LZTS1: variants seen among roughly 807,000 people sequenced by gnomAD.
The protein encoded by LZTS1 is leucine zipper tumor suppressor 1, also known as leucine zipper putative tumor suppressor 1.
LZTS1 carries 31 observed loss-of-function variants against 45.8 expected under a neutral mutation model. The observed-to-expected ratio is 0.68, with a 90% CI of 0.51 to 0.91. The LOEUF (loss-of-function observed/expected upper bound fraction) is 0.91, where lower values mean the gene tolerates loss of function less well. Ranked by LOEUF, LZTS1 falls within the 40% of genes least tolerant of loss-of-function variation. The pLI, the probability that LZTS1 is intolerant of heterozygous loss-of-function variation, is 0.00. For missense variants in LZTS1, 821 were observed against 788.9 expected (o/e 1.04, Z -0.49); for synonymous variants, 359 against 357.3 (o/e 1.00, Z -0.05).
chr8:20,270,383 C>T (rs1358536557), intron 1 of LZTS1, among the ~76,000 whole-genome samples: 1 of 152,256 alleles, frequency 6.6e-6, no homozygotes, highest in African/African-American at 2.4e-5. Context: ...CCAAGTCCCC[C>T]ACCCTGCACC....
intron 1 of LZTS1, among the ~76,000 whole-genome samples, chr8:20,266,655 T>G (rs1006797280): frequency 2.0e-5 from 3 of 152,208 alleles, no homozygotes; most frequent in Non-Finnish European, 4.4e-5. Flanking sequence ...TGGAGAGATC[T>G]GACAGCTATG....
At chr8:20,259,486 C>CA (rs1305921527) in intron 1 of LZTS1, among the ~76,000 whole-genome samples, 7 of 152,164 alleles carry the variant, frequency 4.6e-5, no homozygotes, top group Admixed American at 4.6e-4. Context: ...TGTCTTTCCC[C>CA]AGTCTGTTCA....
At chr8:20,260,401 C>T (rs965254263) in intron 1 of LZTS1, among the ~76,000 whole-genome samples, 6 of 152,154 alleles carry the variant, frequency 3.9e-5, no homozygotes, top group African/African-American at 1.2e-4. Context: ...GAGGCTAAGG[C>T]ACAGACTCAC....
intron 1 of LZTS1, among the ~76,000 whole-genome samples, chr8:20,270,797 C>CTGTGTGTGTGTGTG (rs745917836): frequency 8.0e-5 from 8 of 99,416 alleles, no homozygotes; most frequent in South Asian, 7.5e-4. Flanking sequence ...CGAGTGTGTC[C>CTGTGTGTGTGTGTG]TCTGTGTGTG....
chr8:20,265,660 CAGAG>C (rs1202999554), intron 1 of LZTS1, among the ~76,000 whole-genome samples: 1 of 105,652 alleles, frequency 9.5e-6, no homozygotes, highest in East Asian at 3.1e-4. Flanking sequence ...GCCTGGGCAA[CAGAG>C]AGACTCTGTC....
In LZTS1 at chr8:20,253,466, G is replaced by C. The variant is rs200657116; in HGVS notation, c.465C>G (p.Asp155Glu). The change falls in exon 3 of 4, where the codon GAC becomes GAG. Residue 155 changes from aspartate to glutamate, a missense_variant. Asp to Glu is a conservative substitution (Grantham distance 45, BLOSUM62 2). Coordinates refer to ENST00000381569, the MANE Select transcript of LZTS1 (RefSeq NM_021020.5). ...ASHQLHPAPPDKPKEQELKPG... is the reference protein window; with the variant it reads ...ASHQLHPAPPEKPKEQELKPG... ...GCTTCAGCTCCTGCTCCTTGGGCTT[G>C]TCTGGAGGGGCGGGGTGCAGCTGGT... The C allele has an allele frequency of 6.2e-7, 1 of 1,608,026 alleles. No individual in the cohort carries two copies. Among genetic ancestry groups the C allele is most frequent in the Non-Finnish European group, 8.5e-7 (1 of 1,177,754 alleles).
chr8:20,265,414 C>T (rs1800332680), intron 1 of LZTS1, among the ~76,000 whole-genome samples: 1 of 151,906 alleles, frequency 6.6e-6, no homozygotes, highest in African/African-American at 2.4e-5. Context: ...GGCTATAATC[C>T]CAACACTTTG....
chr8:20,277,153 G>T (rs538388392), intron 1 of LZTS1, among the ~76,000 whole-genome samples: 84 of 152,316 alleles, frequency 5.5e-4, no homozygotes, highest in African/African-American at 1.9e-3. Flanking sequence ...AACCAAGATG[G>T]TGATGAGAGT....
chr8:20,298,123 G>C (rs187829055), intron 1 of LZTS1, among the ~76,000 whole-genome samples: 119 of 152,052 alleles, frequency 7.8e-4, no homozygotes, highest in East Asian at 3.5e-3. Context: ...GTGCAGCAGT[G>C]TGATCTCCAC....
chr8:20,260,333 T>C (rs1800200660), intron 1 of LZTS1, among the ~76,000 whole-genome samples: 1 of 152,182 alleles, frequency 6.6e-6, no homozygotes, highest in Non-Finnish European at 1.5e-5. Context: ...TGTGTGTATC[T>C]CTACCAGAAT....
intron 1 of LZTS1, among the ~76,000 whole-genome samples, chr8:20,302,940 C>A (rs755208053): frequency 6.6e-6 from 1 of 152,084 alleles, no homozygotes; most frequent in South Asian, 2.1e-4. Flanking sequence ...CTTGGTGTCT[C>A]GGGGATGCCT....
At position 20,250,380 on chromosome 8, in the gene LZTS1, G is replaced by A; in HGVS notation, c.1150-17C>T. 6.4e-7 allele frequency: 1 copy of A among 1,572,494 alleles called. No individual in the cohort carries two copies. ...CTGGCACACCTGCCGAGGGTGGGGT[G>A]GAGACAGAGTGCCAAGAGGTGAGTG... On this transcript the variant is annotated splice_polypyrimidine_tract_variant and intron_variant, in intron 3 of 3. Transcript: ENST00000381569.
intron 1 of LZTS1, among the ~76,000 whole-genome samples, chr8:20,277,663 G>A (rs1800611153): frequency 6.6e-6 from 1 of 152,206 alleles, no homozygotes; most frequent in Non-Finnish European, 1.5e-5. Flanking sequence ...TCTATGAGTT[G>A]GAGGAAGTAG....
intron 1 of LZTS1, among the ~76,000 whole-genome samples, chr8:20,296,720 CGTGTGTGCAT>C (rs540999735): frequency 1.4e-3 from 206 of 152,130 alleles, no homozygotes; most frequent in Non-Finnish European, 2.3e-3. Flanking sequence ...TGTATGTGTG[CGTGTGTGCAT>C]GTGTGTGCAT....
chr8:20,271,232 C>T (rs1800469077), intron 1 of LZTS1, among the ~76,000 whole-genome samples: 1 of 152,166 alleles, frequency 6.6e-6, no homozygotes, highest in Non-Finnish European at 1.5e-5. Flanking sequence ...CCTCAAGCTC[C>T]TTGCCTCCTC....
At chr8:20,264,504 C>T (rs1260232629) in intron 1 of LZTS1, among the ~76,000 whole-genome samples, 1 of 152,120 alleles carries the variant, frequency 6.6e-6, no homozygotes, top group Non-Finnish European at 1.5e-5. Context: ...ACAGAGAGCC[C>T]CTGAGTCACA....
intron 1 of LZTS1, among the ~76,000 whole-genome samples, chr8:20,278,314 A>G (rs1429640358): frequency 6.6e-6 from 1 of 152,192 alleles, no homozygotes; most frequent in Non-Finnish European, 1.5e-5. Flanking sequence ...TCCTCAAATG[A>G]GCATGCACAC....
intron 1 of LZTS1, among the ~76,000 whole-genome samples, chr8:20,279,539 A>T (rs1162421913): frequency 6.6e-6 from 1 of 152,116 alleles, no homozygotes; most frequent in East Asian, 1.9e-4. Flanking sequence ...CCATGTCTAC[A>T]AAACATTTTA....
chr8:20,253,378 G>A lies in LZTS1; in HGVS notation c.553C>T (p.His185Tyr). The change falls in exon 3 of 4, where the codon CAC becomes TAC. Residue 185 changes from histidine to tyrosine, a missense_variant. His to Tyr is a moderately conservative substitution (Grantham distance 83). Coordinates refer to ENST00000381569, the MANE Select transcript of LZTS1 (RefSeq NM_021020.5). ...GRNSMSSLPT[H>Y]STSSSYQLDP... ...AGCTGGTAGCTGCTGCTGGTGCTGT[G>A]TGTGGGCAGGCTGGACATGGAGTTC... 1 of 1,613,314 alleles carries A rather than the reference G, an allele frequency of 6.2e-7. No individual in the cohort carries two copies. Among genetic ancestry groups the A allele is most frequent in the Non-Finnish European group, 8.5e-7 (1 of 1,179,576 alleles).
Sources: gnomAD v4.1 joint callset for allele counts (sites outside exome capture counted in the v4.1 genomes callset) on GRCh38, gnomAD v4.1.1 for gene constraint, MANE v1.5 for transcripts, NCBI Gene and HGNC (gene_info 2026-07-23, HGNC 2026-07-21) for gene names.